Variants in RPRD1A observed in about 807,000 individuals in gnomAD.
RPRD1A encodes the protein regulation of nuclear pre-mRNA domain-containing protein 1A.
In RPRD1A, 9 loss-of-function variants were observed where a neutral mutation model predicts 37.8. That is an observed-to-expected ratio of 0.24 (90% CI 0.14 to 0.42). The LOEUF is 0.42. RPRD1A is among the 10% of genes least tolerant of loss of function. RPRD1A has a pLI of 1.00. For synonymous variants in RPRD1A, 138 were observed against 139.7 expected (o/e 0.99, Z 0.08); for missense variants, 255 against 371.0 (o/e 0.69, Z 2.57).
intron 6 of RPRD1A, among the ~76,000 whole-genome samples, chr18:36,000,570 A>C (rs1244252867): frequency 6.6e-6 from 1 of 152,216 alleles, no homozygotes; most frequent in Non-Finnish European, 1.5e-5. Context: ...TTAAATTATT[A>C]GGGTAGATGT....
At chr18:36,029,625 A>T (rs1488436199) in intron 4 of RPRD1A, among the ~76,000 whole-genome samples, 3 of 112,450 alleles carry the variant, frequency 2.7e-5, no homozygotes, top group Non-Finnish European at 3.9e-5. Context: ...ATGCCCACTT[A>T]AAAAAAAAAA....
At chr18:36,025,542 C>A in intron 6 of RPRD1A, 1 of 818,282 alleles carries the variant, frequency 1.2e-6, no homozygotes. Context: ...AAGTATAAAG[C>A]AGAATAAAGT....
In RPRD1A at chr18:36,046,349, C is replaced by T. The variant is rs562990967; in HGVS notation, c.152-12512G>A. On this transcript the variant is annotated intron_variant, in intron 1 of 6. Transcript: ENST00000399022. Reference sequence around the variant, plus strand: ...CCCCACTGGGCTGTATCACAGGAGGCCTAGTGGAACAACAGGACTTTCACC... The same window carrying T: ...CCCCACTGGGCTGTATCACAGGAGGTCTAGTGGAACAACAGGACTTTCACC... Among the ~76,000 whole-genome samples, 5 of 152,230 alleles carry T rather than the reference C, an allele frequency of 3.3e-5. No individual in the cohort carries two copies. In the South Asian group the frequency reaches 1.0e-3, roughly 32 times the overall value.
chr18:36,048,145 C>T (rs1219447678), intron 1 of RPRD1A, among the ~76,000 whole-genome samples: 3 of 150,814 alleles, frequency 2.0e-5, no homozygotes, highest in African/African-American at 4.9e-5. Flanking sequence ...GGGCTCACCG[C>T]AACCTCCACC....
chr18:35,991,881 A>G lies in RPRD1A; in HGVS notation c.*1270T>C, dbSNP rs2144124649. The G allele has an allele frequency of 6.6e-6, 1 of 152,370 alleles. No homozygotes were observed. The highest frequency in any genetic ancestry group is 2.1e-4 in the South Asian group (1 of 4,830). 9.4% of individuals were successfully genotyped at this position (152,370 alleles called of 1,614,324 possible). A position where few individuals can be genotyped will look rare whatever the true frequency, so the allele number is the denominator to read the frequency against. On this transcript the variant is annotated 3_prime_UTR_variant, in exon 7 of 7. Coordinates refer to ENST00000399022, the MANE Select transcript of RPRD1A (RefSeq NM_018170.5). Reference sequence around the variant, plus strand: ...GGATTTTCAAGATGTTTTATTGACTATCTAATTTGAATCTACTTACAAAGA... The same window carrying G: ...GGATTTTCAAGATGTTTTATTGACTGTCTAATTTGAATCTACTTACAAAGA...
chr18:36,023,795 TTA>T (rs1568128059), intron 6 of RPRD1A, among the ~76,000 whole-genome samples: 1 of 152,186 alleles, frequency 6.6e-6, no homozygotes, highest in Non-Finnish European at 1.5e-5. Flanking sequence ...GCTCAGATGA[TTA>T]GTCTTTTTTA....
At chr18:36,002,235 C>T (rs1909467562) in intron 6 of RPRD1A, among the ~76,000 whole-genome samples, 1 of 152,148 alleles carries the variant, frequency 6.6e-6, no homozygotes, top group Non-Finnish European at 1.5e-5. Context: ...ATTCCAAGCC[C>T]ATGTACATTA....
At chr18:36,027,820 A>C (rs1316926500) in intron 4 of RPRD1A, 1 of 152,846 alleles carries the variant, frequency 6.5e-6, no homozygotes, top group Non-Finnish European at 1.5e-5. Flanking sequence ...ATTAAAGCCC[A>C]AGAGAAATGT....
chr18:36,067,518 C>T lies in RPRD1A; in HGVS notation c.-114G>A, dbSNP rs543963339. 1,678 of 1,140,180 alleles carry T rather than the reference C, an allele frequency of 1.5e-3. 6 individuals are homozygous for T. The highest frequency in any genetic ancestry group is 1.1e-3 in the Non-Finnish European group (910 of 820,048). 70.6% of individuals were successfully genotyped at this position (1,140,180 alleles called of 1,614,324 possible). A position where few individuals can be genotyped will look rare whatever the true frequency, so the allele number is the denominator to read the frequency against. ...CCCACCCTTCCCCACGCTCTCACCA[C>T]GGCCGCCGCTTCATCCAAGACCGGC... On this transcript the variant is annotated 5_prime_UTR_variant, in exon 1 of 7. It adds an upstream start codon to the 5' untranslated region. Coordinates refer to ENST00000399022, the MANE Select transcript of RPRD1A (RefSeq NM_018170.5).
In RPRD1A at chr18:35,990,465, TG is replaced by T. The variant is rs898630720; in HGVS notation, c.*2685del. 11 of 152,218 alleles carry T rather than the reference TG, an allele frequency of 7.2e-5. No homozygotes were observed. Among genetic ancestry groups the T allele is most frequent in the Admixed American group, 6.5e-4 (10 of 15,280 alleles). The allele number at this position is 152,218 out of a possible 1,614,324, so 9.4% of individuals were successfully genotyped here. ...AATAGCTGCATCTGGACAGGGAGGT[TG>T]GCTATTGAGCACAGCTGATTCTCAG... On this transcript the variant is annotated 3_prime_UTR_variant, in exon 7 of 7. Transcript: ENST00000399022.
chr18:36,038,336 G>A (rs1455204127), intron 1 of RPRD1A, among the ~76,000 whole-genome samples: 1 of 152,230 alleles, frequency 6.6e-6, no homozygotes, highest in Non-Finnish European at 1.5e-5. Flanking sequence ...CTCTAGCCAT[G>A]GCTAAAAGGG....
chr18:35,993,336 AT>A, intron 6 of RPRD1A, 36 bp from the exon 7 acceptor site: 1 of 1,610,366 alleles, frequency 6.2e-7, no homozygotes, highest in Non-Finnish European at 8.5e-7. Context: ...GCATTCAGGG[AT>A]TGAAAAAACT....
In RPRD1A at chr18:35,991,256, T is replaced by C. The variant is rs1325180183; in HGVS notation, c.*1895A>G. On this transcript the variant is annotated 3_prime_UTR_variant, in exon 7 of 7. Coordinates refer to ENST00000399022, the MANE Select transcript of RPRD1A (RefSeq NM_018170.5). ...AATAAGTTAACATACAAGTTTTTGCTTTCACATTAATAATAAAAACTAACT... is the reference window on the plus strand; with the variant it reads ...AATAAGTTAACATACAAGTTTTTGCCTTCACATTAATAATAAAAACTAACT... 1.3e-5 allele frequency: 2 copies of C among 152,238 alleles called. No homozygotes were observed. The highest frequency in any genetic ancestry group is 2.9e-5 in the Non-Finnish European group (2 of 68,044). The allele number at this position is 152,238 out of a possible 1,614,324, so 9.4% of individuals were successfully genotyped here. A position where few individuals can be genotyped will look rare whatever the true frequency, so the allele number is the denominator to read the frequency against.
intron 1 of RPRD1A, among the ~76,000 whole-genome samples, chr18:36,042,133 C>T (rs1912625251): frequency 6.6e-6 from 1 of 152,176 alleles, no homozygotes; most frequent in African/African-American, 2.4e-5. Context: ...CCAACACTAT[C>T]CTCCAAGTTC....
chr18:36,029,535 A>T (rs528509662), intron 4 of RPRD1A, among the ~76,000 whole-genome samples: 2 of 149,806 alleles, frequency 1.3e-5, no homozygotes, highest in Admixed American at 6.7e-5. Context: ...GAGTATGGTT[A>T]TGTCTTCATT....
intron 4 of RPRD1A, chr18:36,027,634 A>T (rs984744581): frequency 4.9e-6 from 1 of 205,916 alleles, no homozygotes; most frequent in Non-Finnish European, 9.9e-6. Context: ...GGTGAAAGAG[A>T]AGGTAGGCTA....
intron 6 of RPRD1A, among the ~76,000 whole-genome samples, chr18:35,997,002 AAG>A (rs1717445555): frequency 4.8e-5 from 7 of 146,314 alleles, no homozygotes; most frequent in African/African-American, 1.9e-4. Flanking sequence ...AAAAAAAAAA[AAG>A]AACTATCTGT....
Position 35,992,057 on chromosome 18 carries a change from A to G in RPRD1A, c.*1094T>C, listed in dbSNP as rs1908746704. 6.6e-6 allele frequency: 1 copy of G among 152,622 alleles called. No individual in the cohort carries two copies. Among genetic ancestry groups the G allele is most frequent in the African/African-American group, 2.4e-5 (1 of 41,446 alleles). 9.5% of individuals were successfully genotyped at this position (152,622 alleles called of 1,614,324 possible). On this transcript the variant is annotated 3_prime_UTR_variant, in exon 7 of 7. Transcript: ENST00000399022. ...CACACAGGGTCAGAAATAAAAGGTA[A>G]AAGTACATTTGTTTTGTAACTGTAA...
intron 1 of RPRD1A, among the ~76,000 whole-genome samples, chr18:36,064,930 C>T (rs746616900): frequency 1.1e-4 from 17 of 150,128 alleles, no homozygotes; most frequent in Admixed American, 6.6e-5. Context: ...CCAACAACTC[C>T]GGATGGAAGG....
Sources: gnomAD v4.1 joint callset for allele counts (sites outside exome capture counted in the v4.1 genomes callset) on GRCh38, gnomAD v4.1.1 for gene constraint, MANE v1.5 for transcripts, NCBI Gene and HGNC (gene_info 2026-07-23, HGNC 2026-07-21) for gene names.